The following MON2 variants were observed in gnomAD, a reference collection of about 807,000 sequenced individuals.
The protein encoded by MON2 is protein MON2 homolog.
In MON2, 84 loss-of-function variants were observed where a neutral mutation model predicts 208.6. The ratio of observed to expected loss-of-function variants is 0.40; its 90% CI spans 0.34 to 0.48. MON2 has a LOEUF of 0.48. Among genes scored for constraint, MON2 ranks in the 20% least tolerant of loss-of-function variants. The pLI is 0.59. For missense variants in MON2, 1,611 were observed against 2,015.4 expected (o/e 0.80, Z 3.84); for synonymous variants, 660 against 694.0 (o/e 0.95, Z 0.77).
intron 34 of MON2, 103 bp downstream of exon 34, chr12:62,588,259 A>G (rs1358343399): frequency 8.1e-6 from 6 of 737,456 alleles, no homozygotes; most frequent in Admixed American, 6.8e-5. Flanking sequence ...CATAGCAGTC[A>G]TTAGACTTCT....
Position 62,535,686 on chromosome 12 carries a change from C to G in MON2, c.1877C>G (p.Thr626Ser), listed in dbSNP as rs2072933561. The G allele has an allele frequency of 4.3e-6, 7 of 1,610,790 alleles. No homozygotes were observed. Among genetic ancestry groups the G allele is most frequent in the East Asian group, 2.2e-5 (1 of 44,838 alleles). The change falls in exon 14 of 35, where the codon ACT (threonine) becomes AGT (serine). Residue 626 changes from threonine (T) to serine (S), a missense_variant. Physicochemically the swap from Thr to Ser is moderately conservative, Grantham distance 58 (BLOSUM62 1). Coordinates refer to ENST00000393630, the MANE Select transcript of MON2 (RefSeq NM_015026.3). Reference protein sequence around the residue: ...HYALTVLNTTTAATLSNKSYS... With the variant: ...HYALTVLNTTSAATLSNKSYS... ...GCTCTTACTGTATTGAATACCACCACTGCAGCTACACTTTCCAACAAATGT... is the reference window on the plus strand; with the variant it reads ...GCTCTTACTGTATTGAATACCACCAGTGCAGCTACACTTTCCAACAAATGT...
chr12:62,559,744 G>C (rs991560003), intron 25 of MON2, among the ~76,000 whole-genome samples: 8 of 150,180 alleles, frequency 5.3e-5, no homozygotes, highest in African/African-American at 2.0e-4. Flanking sequence ...TGACACTCTA[G>C]CCTGGGTAAC....
At position 62,556,076 on chromosome 12, in the gene MON2, T is replaced by C; in HGVS notation, c.3293T>C (p.Ile1098Thr). Reference sequence around the variant, plus strand: ...AAGATTGAGTCTGGAGGTGGCAATATTCTCATTCATCATTCAAGGGACACC... The same window carrying C: ...AAGATTGAGTCTGGAGGTGGCAATACTCTCATTCATCATTCAAGGGACACC... ...KEKIESGGGN[I>T]LIHHSRDTAE... Residue 1098 changes from isoleucine (I) to threonine (T), a missense_variant, in exon 25 of 35, where the codon ATT becomes ACT. Transcript: ENST00000393630. The C allele has an allele frequency of 6.2e-7, 1 of 1,613,940 alleles. No individual in the cohort carries two copies. The highest frequency in any genetic ancestry group is 8.5e-7 in the Non-Finnish European group (1 of 1,179,932).
At chr12:62,537,843 A>G in intron 16 of MON2, 137 bp downstream of exon 16, 1 of 740,492 alleles carries the variant, frequency 1.4e-6, no homozygotes, top group Non-Finnish European at 2.2e-6. Flanking sequence ...GAAGTTAGAA[A>G]GGGAAAAAGA....
rs994578458 is a variant in MON2, at chr12:62,532,343, C to A, written c.1401-95C>A. On this transcript the variant is annotated intron_variant, in intron 11 of 34. Coordinates refer to ENST00000393630, the MANE Select transcript of MON2 (RefSeq NM_015026.3). ...CTTTATTTTTTGCTATTCTGTTAAT[C>A]TTAATTTCTATAGTCTGTAAATTGT... The A allele has an allele frequency of 3.2e-6, 3 of 926,210 alleles. No individual in the cohort carries two copies. The Admixed American group carries it at 7.7e-5, about 24-fold the overall frequency. The allele number at this position is 926,210 out of a possible 1,614,324, so 57.4% of individuals were successfully genotyped here. A position where few individuals can be genotyped will look rare whatever the true frequency, so the allele number is the denominator to read the frequency against.
At position 62,534,903 on chromosome 12, in the gene MON2, A is replaced by C; in HGVS notation, c.1692A>C (p.Ala564=). 1 of 1,611,194 alleles carries C rather than the reference A, an allele frequency of 6.2e-7. No homozygotes were observed. The highest frequency in any genetic ancestry group is 8.5e-7 in the Non-Finnish European group (1 of 1,178,484). Residue 564 remains alanine (A), a synonymous_variant, in exon 13 of 35, where the codon GCA becomes GCC. Transcript: ENST00000393630. The part of the protein sequence containing the change: ...VNACWCGLLA[A]LSLLLDASTD... Reference sequence around the variant, plus strand: ...CCTGCTGGTGTGGTCTTCTTGCTGCACTCTCACTCCTTCTTGATGCCAGGT... The same window carrying C: ...CCTGCTGGTGTGGTCTTCTTGCTGCCCTCTCACTCCTTCTTGATGCCAGGT...
chr12:62,512,204 A>G (rs572941512), intron 8 of MON2, among the ~76,000 whole-genome samples: 3 of 152,192 alleles, frequency 2.0e-5, no homozygotes, highest in South Asian at 2.1e-4. Flanking sequence ...AAAACCAATC[A>G]TGCCTTCCCA....
chr12:62,504,017 TTC>T (rs1403327989), intron 7 of MON2, among the ~76,000 whole-genome samples: 1 of 151,582 alleles, frequency 6.6e-6, no homozygotes, highest in Non-Finnish European at 1.5e-5. Flanking sequence ...TTATTTTATT[TTC>T]TCTCTTTCCC....
At chr12:62,543,766 C>A (rs2073350709) in intron 20 of MON2, among the ~76,000 whole-genome samples, 1 of 152,100 alleles carries the variant, frequency 6.6e-6, no homozygotes, top group Non-Finnish European at 1.5e-5. Context: ...TACCACCACA[C>A]CTGGCTTATT....
chr12:62,485,350 A>C (rs2069707835), intron 2 of MON2, among the ~76,000 whole-genome samples: 1 of 152,216 alleles, frequency 6.6e-6, no homozygotes, highest in Non-Finnish European at 1.5e-5. Flanking sequence ...TACATTTTTT[A>C]AAAGGGATAC....
chr12:62,540,213 A>C (rs747117578), intron 19 of MON2, among the ~76,000 whole-genome samples: 23 of 152,312 alleles, frequency 1.5e-4, no homozygotes, highest in South Asian at 1.2e-3. Flanking sequence ...CGATCTGCTC[A>C]GAGACATTAA....
rs755816417 is a variant in MON2 at position 62,580,413 on chromosome 12, A to C, written c.4692A>C (p.Ser1564=). Residue 1564 remains serine (S), a synonymous_variant, in exon 32 of 35, where the codon TCA becomes TCC. Coordinates refer to ENST00000393630, the MANE Select transcript of MON2 (RefSeq NM_015026.3). ...NKGSIHSQSS[S]FTEAEIDIRL... ...GCTCAATACATTCTCAGTCATCTTCATTTACAGGTATGTTAATTTTTTTAA... is the reference window on the plus strand; with the variant it reads ...GCTCAATACATTCTCAGTCATCTTCCTTTACAGGTATGTTAATTTTTTTAA... 15 of 1,594,084 alleles carry C rather than the reference A, an allele frequency of 9.4e-6. No individual in the cohort carries two copies. The highest frequency in any genetic ancestry group is 1.3e-5 in the Non-Finnish European group (15 of 1,167,788).
rs1024246891 is a variant in MON2, at chr12:62,578,500, G to A, written c.4570G>A (p.Val1524Ile). The change falls in exon 31 of 35, where the codon GTC (valine) becomes ATC (isoleucine). Residue 1524 changes from valine to isoleucine, a missense_variant. Physicochemically the swap from Val to Ile is conservative, Grantham distance 29 (BLOSUM62 3). Coordinates refer to ENST00000393630, the MANE Select transcript of MON2 (RefSeq NM_015026.3). ...QEFQRNENID[V>I]EVVQLISNEI... is the part of the protein sequence containing the mutation. ...GTTTCAAAGAAATGAAAATATTGAT[G>A]TCGAGGTAAGGAGGCTATTTAAAAT... 1 of 1,496,296 alleles carries A rather than the reference G, an allele frequency of 6.7e-7. No individual in the cohort carries two copies. Among genetic ancestry groups the A allele is most frequent in the Non-Finnish European group, 9.1e-7 (1 of 1,096,614 alleles). The allele number at this position is 1,496,296 out of a possible 1,614,324, so 92.7% of individuals were successfully genotyped here.
intron 8 of MON2, among the ~76,000 whole-genome samples, chr12:62,515,500 G>A (rs550071958): frequency 1.3e-5 from 2 of 152,260 alleles, no homozygotes; most frequent in South Asian, 4.1e-4. Flanking sequence ...AGTGGGTATA[G>A]CATTTCAGTT....
chr12:62,535,334 G>T (rs2072915631), intron 13 of MON2, among the ~76,000 whole-genome samples, 191 bp from the exon 14 acceptor site: 1 of 151,816 alleles, frequency 6.6e-6, no homozygotes, highest in Admixed American at 6.6e-5. Context: ...ATTATTCATT[G>T]CTTTTACCCA....
rs200828106 is a variant in MON2 at position 62,483,774 on chromosome 12, A to AT, written c.112-389dup. ...TTACTTGATTTTGCAGTGTTCTATA[A>AT]TTTTTTTGTGTGTGGTGGAGAGAGA... On this transcript the variant is annotated intron_variant, in intron 1 of 34. Transcript: ENST00000393630. Among the ~76,000 whole-genome samples, 870 of 152,254 alleles carry AT rather than the reference A, an allele frequency of 5.7e-3. 4 individuals are homozygous for AT. The highest frequency in any genetic ancestry group is 0.019 in the African/African-American group (807 of 41,564).
At chr12:62,490,532 C>T (rs2070067949) in intron 2 of MON2, among the ~76,000 whole-genome samples, 1 of 151,870 alleles carries the variant, frequency 6.6e-6, no homozygotes, top group Non-Finnish European at 1.5e-5. Flanking sequence ...GTTGGAAGAG[C>T]AAGAATAATT....
At chr12:62,479,320 GC>G (rs1490188194) in intron 1 of MON2, among the ~76,000 whole-genome samples, 1 of 151,942 alleles carries the variant, frequency 6.6e-6, no homozygotes, top group Non-Finnish European at 1.5e-5. Flanking sequence ...CATAACGTGT[GC>G]ATATCTTCCC....
At chr12:62,552,144 A>G (rs1485364268) in intron 23 of MON2, among the ~76,000 whole-genome samples, 1 of 152,036 alleles carries the variant, frequency 6.6e-6, no homozygotes, top group African/African-American at 2.4e-5. Context: ...TTCAAATACT[A>G]CACCATTTTA....
Sources: gnomAD v4.1 joint callset for allele counts (sites outside exome capture counted in the v4.1 genomes callset) on GRCh38, gnomAD v4.1.1 for gene constraint, MANE v1.5 for transcripts, NCBI Gene and HGNC (gene_info 2026-07-23, HGNC 2026-07-21) for gene names.